The following FGD2 variants were observed in gnomAD, a reference collection of about 807,000 sequenced individuals.
FGD2 encodes the protein FYVE, RhoGEF and PH domain-containing protein 2.
FGD2 carries 52 observed loss-of-function variants against 75.9 expected under a neutral mutation model. That is an observed-to-expected ratio of 0.69 (90% CI 0.55 to 0.86). FGD2 has a LOEUF of 0.86. Ranked by LOEUF, FGD2 falls within the 40% of genes least tolerant of loss-of-function variation. The pLI is 0.00. For missense variants in FGD2, 790 were observed against 872.0 expected, an observed-to-expected ratio of 0.91 and a Z score of 1.18; for synonymous variants, 347 against 348.6, an observed-to-expected ratio of 1.00 and a Z score of 0.05.
chr6:37,022,594 C>A lies in FGD2; in HGVS notation c.1458+224C>A, dbSNP rs965954435. On this transcript the variant is annotated intron_variant, in intron 13 of 15. Transcript: ENST00000274963. ...CCTACCTAGGCTTCCACTTGATCCA[C>A]CTAGGCTTCCACTTGATCCACCTAG... The A allele has an allele frequency of 2.2e-4, 125 of 577,138 alleles. 2 individuals carry two copies. The East Asian group carries it at 4.5e-3, about 21-fold the overall frequency. 35.8% of individuals were successfully genotyped at this position (577,138 alleles called of 1,614,324 possible).
At chr6:37,008,700 C>T (rs1343098321) in intron 1 of FGD2, 134 bp from the exon 2 acceptor site, 5 of 656,574 alleles carry the variant, frequency 7.6e-6, no homozygotes, top group African/African-American at 1.8e-5. Flanking sequence ...CAGCATGTTC[C>T]CAAAGAAAGC....
chr6:37,007,188 C>T (rs111403630), intron 1 of FGD2, among the ~76,000 whole-genome samples: 7,198 of 152,248 alleles, frequency 0.047, 264 homozygotes, highest in Non-Finnish European at 0.077. Flanking sequence ...AACTATGATG[C>T]AAGGTCATAG....
At chr6:37,018,919 G>C (rs1013246593) in intron 9 of FGD2, among the ~76,000 whole-genome samples, 1 of 152,176 alleles carries the variant, frequency 6.6e-6, no homozygotes, top group African/African-American at 2.4e-5. Context: ...CTAGCCCTGG[G>C]GAAAGTGGTT....
At chr6:37,025,669 C>G (rs544077237) in intron 13 of FGD2, 123 bp from the exon 14 acceptor site, 1 of 1,034,956 alleles carries the variant, frequency 9.7e-7, no homozygotes, top group African/African-American at 1.6e-5. Flanking sequence ...ATTCCTCCCT[C>G]GAAGCTTTCT....
At position 37,022,186 on chromosome 6, in the gene FGD2, G is replaced by A. The variant is rs747056309; in HGVS notation, c.1327-53G>A. 21 of 1,565,504 alleles carry A rather than the reference G, an allele frequency of 1.3e-5. No individual in the cohort carries two copies. In the South Asian group the frequency reaches 1.4e-4, roughly 10 times the overall value. Reference sequence around the variant, plus strand: ...AGGGCCCCAGGCCCTGGGAGGATGGGCGGAAGAAGGTCACCAAGGGCCCAT... The same window carrying A: ...AGGGCCCCAGGCCCTGGGAGGATGGACGGAAGAAGGTCACCAAGGGCCCAT... On this transcript the variant is annotated intron_variant, in intron 12 of 15. Transcript: ENST00000274963.
At chr6:37,015,700 C>CG in intron 8 of FGD2, 68 bp from the exon 9 acceptor site, 1 of 1,452,104 alleles carries the variant, frequency 6.9e-7, no homozygotes, top group African/African-American at 1.4e-5. Flanking sequence ...GGCCCACCCT[C>CG]GGGGAAACCC....
intron 9 of FGD2, 98 bp downstream of exon 9, chr6:37,015,958 C>A: frequency 9.0e-7 from 1 of 1,114,696 alleles, no homozygotes; most frequent in South Asian, 1.6e-5. Flanking sequence ...ATCACAGAAC[C>A]AAACCCTTGC....
intron 11 of FGD2, among the ~76,000 whole-genome samples, 171 bp from the exon 12 acceptor site, chr6:37,021,341 T>C (rs577462704): frequency 6.6e-6 from 1 of 152,308 alleles, no homozygotes; most frequent in South Asian, 2.1e-4. Context: ...ATCTGTAACC[T>C]GGGGCTGGTA....
intron 9 of FGD2, among the ~76,000 whole-genome samples, chr6:37,017,981 A>G (rs1187768494): frequency 1.3e-5 from 2 of 152,194 alleles, no homozygotes; most frequent in African/African-American, 2.4e-5. Flanking sequence ...CTAGCTTTCC[A>G]TCCTGAAGGG....
intron 4 of FGD2, among the ~76,000 whole-genome samples, chr6:37,012,500 T>G (rs1482504590): frequency 6.6e-6 from 1 of 152,010 alleles, no homozygotes; most frequent in Non-Finnish European, 1.5e-5. Flanking sequence ...TCACTTGAGC[T>G]TAAGAGTTTG....
chr6:37,015,748 C>A lies in FGD2; in HGVS notation c.1030-20C>A. The stretch of plus-strand genomic sequence containing the variant: ...CTCCCTGCCCCTGCCACGGGCCACT[C>A]ACGCCTGTGTCTCCTGCAGTTCAAC... On this transcript the variant is annotated intron_variant, in intron 8 of 15. Transcript: ENST00000274963. The A allele has an allele frequency of 2.6e-6, 4 of 1,567,792 alleles. No individual in the cohort carries two copies. Among genetic ancestry groups the A allele is most frequent in the South Asian group, 1.2e-5 (1 of 85,150 alleles).
intron 12 of FGD2, 36 bp downstream of exon 12, chr6:37,021,640 C>T: frequency 5.1e-6 from 8 of 1,571,890 alleles, no homozygotes; most frequent in Non-Finnish European, 7.0e-6. Flanking sequence ...GCTGGAGCCA[C>T]CAACCCAAAT....
chr6:37,018,158 A>G (rs1765393690), intron 9 of FGD2, among the ~76,000 whole-genome samples: 1 of 152,210 alleles, frequency 6.6e-6, no homozygotes, highest in Non-Finnish European at 1.5e-5. Flanking sequence ...ATAGAGATCG[A>G]CAGATAGGAA....
chr6:37,025,580 A>G, intron 13 of FGD2: 1 of 584,150 alleles, frequency 1.7e-6, no homozygotes, highest in East Asian at 2.8e-5. Context: ...AAGAGCCCCG[A>G]GCCCGAGCTC....
In FGD2 at chr6:37,020,814, G is replaced by C. The variant is rs374612325; in HGVS notation, c.1233+75G>C. ...TTTCTTTTTTTCTTTCTTGGTACTAGACTACCTTGATGAAGCTCCTGGGAT... is the reference window on the plus strand; with the variant it reads ...TTTCTTTTTTTCTTTCTTGGTACTACACTACCTTGATGAAGCTCCTGGGAT... On this transcript the variant is annotated intron_variant, in intron 11 of 15. Transcript: ENST00000274963. The C allele has an allele frequency of 9.8e-6, 15 of 1,538,402 alleles. No homozygotes were observed. In the African/African-American group the frequency reaches 1.5e-4, roughly 16 times the overall value.
rs761080837 is a variant in FGD2, at chr6:37,013,973, T to A, written c.696T>A (p.Ala232=). 6.2e-6 allele frequency: 10 copies of A among 1,613,596 alleles called. No individual in the cohort carries two copies. The East Asian group carries it at 1.1e-4, about 18-fold the overall frequency. The change falls in exon 6 of 16, where the codon GCT becomes GCA. Residue 232 remains alanine, a synonymous_variant. Transcript: ENST00000274963. ...EVLTRIQSSE[A]SGSLTLQHHM... ...CATCCCTCCCCAAGAGCAGCGAGGC[T>A]TCGGGCAGCCTGACCCTGCAGCACC...
rs575499635 is a variant in FGD2, at chr6:37,022,309, G to A, written c.1397G>A (p.Arg466His). ...VRDKMVTMCMRCQEPFNALTR... is the reference protein window; with the variant it reads ...VRDKMVTMCMHCQEPFNALTR... The stretch of plus-strand genomic sequence containing the variant: ...GACAAGATGGTGACCATGTGCATGC[G>A]CTGCCAGGAGCCCTTCAACGCTCTG... The change falls in exon 13 of 16, where the codon CGC becomes CAC. Residue 466 changes from arginine to histidine, a missense_variant. Physicochemically the swap from Arg to His is conservative, Grantham distance 29. Coordinates refer to ENST00000274963, the MANE Select transcript of FGD2 (RefSeq NM_173558.4). The A allele has an allele frequency of 3.7e-5, 59 of 1,587,204 alleles. No individual in the cohort carries two copies. Among genetic ancestry groups the A allele is most frequent in the East Asian group, 9.4e-5 (4 of 42,484 alleles).
intron 11 of FGD2, among the ~76,000 whole-genome samples, chr6:37,021,032 GTATA>G (rs529689944): frequency 6.6e-6 from 1 of 151,664 alleles, no homozygotes; most frequent in Admixed American, 6.6e-5. Flanking sequence ...GTGTGTATGT[GTATA>G]TGTGTGTTTG....
chr6:37,017,034 CAT>C (rs1339420820), intron 9 of FGD2, among the ~76,000 whole-genome samples: 2 of 152,080 alleles, frequency 1.3e-5, no homozygotes, highest in African/African-American at 4.8e-5. Flanking sequence ...AAACCAATAA[CAT>C]ATAATAGGAT....
Sources: gnomAD v4.1 joint callset for allele counts (sites outside exome capture counted in the v4.1 genomes callset) on GRCh38, gnomAD v4.1.1 for gene constraint, MANE v1.5 for transcripts, NCBI Gene and HGNC (gene_info 2026-07-23, HGNC 2026-07-21) for gene names.